Variants in TM2D1 observed in about 807,000 individuals in gnomAD.
TM2D1 encodes the protein TM2 domain-containing protein 1.
In TM2D1, 15 loss-of-function variants were observed where a neutral mutation model predicts 28.4. The ratio of observed to expected loss-of-function variants is 0.53; its 90% CI spans 0.35 to 0.81. TM2D1 has a LOEUF of 0.81. Among genes scored for constraint, TM2D1 ranks in the 40% least tolerant of loss-of-function variants. TM2D1 has a pLI of 0.01. For missense variants in TM2D1, 236 were observed against 254.9 expected, an observed-to-expected ratio of 0.93 and a Z score of 0.50; for synonymous variants, 93 against 96.2, an observed-to-expected ratio of 0.97 and a Z score of 0.20.
intron 6 of TM2D1, among the ~76,000 whole-genome samples, chr1:61,682,892 CAAAAAAAAAAA>C (rs66468339): frequency 2.3e-3 from 139 of 60,662 alleles, no homozygotes; most frequent in African/African-American, 6.5e-3. Flanking sequence ...GACTCTGTCT[CAAAAAAAAAAA>C]AAAAAAAGAA....
chr1:61,687,706 GA>G (rs55941141), intron 5 of TM2D1, among the ~76,000 whole-genome samples: 50,764 of 148,786 alleles, frequency 0.34, 10,247 homozygotes, highest in East Asian at 0.48. Flanking sequence ...AGAAGTGAAA[GA>G]AAAAAAAAAG....
At chr1:61,716,664 C>T (rs560464072) in intron 2 of TM2D1, among the ~76,000 whole-genome samples, 16 of 149,940 alleles carry the variant, frequency 1.1e-4, no homozygotes, top group African/African-American at 3.7e-4. Context: ...ACTTCGAAGA[C>T]TAAAAAAGAA....
At chr1:61,685,900 C>T (rs190288644) in intron 5 of TM2D1, among the ~76,000 whole-genome samples, 86 of 152,246 alleles carry the variant, frequency 5.6e-4, no homozygotes, top group African/African-American at 1.9e-3. Context: ...GTAGTCTCAG[C>T]TACTCGAGAG....
At chr1:61,700,220 G>C in intron 4 of TM2D1, 1 of 1,534,294 alleles carries the variant, frequency 6.5e-7, no homozygotes, top group Non-Finnish European at 8.8e-7. Context: ...ACAGAATAAA[G>C]GAAAGCCTCT....
intron 5 of TM2D1, among the ~76,000 whole-genome samples, chr1:61,690,749 T>C (rs970010058): frequency 6.6e-6 from 1 of 152,204 alleles, no homozygotes; most frequent in Non-Finnish European, 1.5e-5. Context: ...AAAAAATTTA[T>C]GTGTGAAAAG....
intron 5 of TM2D1, 194 bp from the exon 6 acceptor site, chr1:61,683,740 A>T: frequency 2.8e-6 from 1 of 355,120 alleles, no homozygotes; most frequent in Non-Finnish European, 5.1e-6. Context: ...AGCTCAAAGG[A>T]TCAAAAGAAA....
At chr1:61,701,048 TATC>T (rs1644397083) in intron 3 of TM2D1, 23 bp from the exon 4 acceptor site, 2 of 1,554,418 alleles carry the variant, frequency 1.3e-6, no homozygotes, top group Admixed American at 1.8e-5. Context: ...AAAATCTGAG[TATC>T]ATATTTCCAA....
Position 61,718,076 on chromosome 1 carries a change from C to T in TM2D1, c.238+5637G>A, listed in dbSNP as rs986614125. On this transcript the variant is annotated intron_variant, in intron 2 of 6. Coordinates refer to ENST00000606498, the MANE Select transcript of TM2D1 (RefSeq NM_032027.3). The stretch of plus-strand genomic sequence containing the variant: ...CTCACAACTGTAATTCCAACACTTT[C>T]GGAGGCCGAGGCAAGTGGATTGCTT... 3.3e-5 allele frequency among the ~76,000 whole-genome samples: 5 copies of T among 152,126 alleles called. No individual in the cohort carries two copies. The East Asian group carries it at 5.8e-4, about 18-fold the overall frequency.
At chr1:61,704,488 A>G (rs1274891466) in intron 3 of TM2D1, among the ~76,000 whole-genome samples, 2 of 151,792 alleles carry the variant, frequency 1.3e-5, no homozygotes, top group Admixed American at 6.6e-5. Flanking sequence ...CTGGAGCGCA[A>G]TGGCACAATG....
chr1:61,695,190 T>G (rs1236603865), intron 4 of TM2D1, among the ~76,000 whole-genome samples: 1 of 151,728 alleles, frequency 6.6e-6, no homozygotes, highest in Non-Finnish European at 1.5e-5. Flanking sequence ...AATATAAAAA[T>G]TGTCATGCCA....
At chr1:61,681,934 A>G (rs1209503788) in intron 6 of TM2D1, among the ~76,000 whole-genome samples, 2 of 152,116 alleles carry the variant, frequency 1.3e-5, no homozygotes, top group Non-Finnish European at 2.9e-5. Flanking sequence ...TCCTGGTAAG[A>G]AGAGGTAGAT....
intron 2 of TM2D1, among the ~76,000 whole-genome samples, chr1:61,716,953 T>C (rs776679877): frequency 5.3e-5 from 8 of 152,152 alleles, no homozygotes; most frequent in Non-Finnish European, 1.2e-4. Flanking sequence ...CTAAAACTCA[T>C]TACCCTTAAT....
At chr1:61,724,012 A>G (rs1261298677) in intron 1 of TM2D1, among the ~76,000 whole-genome samples, 1 of 152,226 alleles carries the variant, frequency 6.6e-6, no homozygotes, top group Non-Finnish European at 1.5e-5. Context: ...AGCCTGGGCA[A>G]CATAACGAGA....
intron 2 of TM2D1, among the ~76,000 whole-genome samples, chr1:61,714,951 T>C (rs1459607247): frequency 1.3e-5 from 2 of 151,964 alleles, no homozygotes; most frequent in African/African-American, 4.8e-5. Flanking sequence ...GTATACAACA[T>C]AAAAAAGATG....
intron 2 of TM2D1, among the ~76,000 whole-genome samples, chr1:61,716,309 G>A (rs1644518663): frequency 6.7e-6 from 1 of 148,898 alleles, no homozygotes; most frequent in African/African-American, 2.5e-5. Flanking sequence ...ACAGAGTAAG[G>A]CCTCTCTCTA....
intron 4 of TM2D1, among the ~76,000 whole-genome samples, chr1:61,696,732 C>T (rs1644365932): frequency 6.6e-6 from 1 of 152,056 alleles, no homozygotes. Context: ...CCCTAACCTG[C>T]CTGTCTGAAG....
At chr1:61,704,869 G>GA (rs1644429759) in intron 3 of TM2D1, among the ~76,000 whole-genome samples, 1 of 152,182 alleles carries the variant, frequency 6.6e-6, no homozygotes, top group East Asian at 1.9e-4. Flanking sequence ...ATTTGAGACA[G>GA]AAAAGCCTGG....
At chr1:61,683,357 A>C (rs1230348208) in intron 6 of TM2D1, 60 bp downstream of exon 6, 1 of 557,456 alleles carries the variant, frequency 1.8e-6, no homozygotes, top group African/African-American at 2.0e-5. Flanking sequence ...TAAAATTCTC[A>C]TAATTTTATA....
intron 2 of TM2D1, 36 bp downstream of exon 2, chr1:61,723,677 A>G: frequency 8.2e-7 from 1 of 1,219,106 alleles, no homozygotes; most frequent in Non-Finnish European, 1.1e-6. Flanking sequence ...AATGTTTTTA[A>G]AATTATTTTT....
Sources: allele counts gnomAD v4.1 joint callset (sites outside exome capture counted in the v4.1 genomes callset), GRCh38; gene constraint gnomAD v4.1.1; transcripts MANE v1.5; gene names NCBI Gene and HGNC (gene_info 2026-07-23, HGNC 2026-07-21).